The following SLC9A9 variants were observed in gnomAD, a reference collection of about 807,000 sequenced individuals.
The protein encoded by SLC9A9 is solute carrier family 9 member A9.
A neutral mutation model predicts 77.8 loss-of-function variants in SLC9A9; 62 were observed. The ratio of observed to expected loss-of-function variants is 0.80; its 90% CI spans 0.65 to 0.98. The LOEUF is 0.98. SLC9A9 is among the 50% of genes least tolerant of loss of function. The pLI is 0.00. For missense variants in SLC9A9, 775 were observed against 774.9 expected (o/e 1.00, Z 0.00); for synonymous variants, 320 against 283.5 (o/e 1.13, Z -1.29).
At chr3:143,720,625 C>T (rs1475306357) in intron 4 of SLC9A9, among the ~76,000 whole-genome samples, 3 of 152,138 alleles carry the variant, frequency 2.0e-5, no homozygotes, top group Non-Finnish European at 4.4e-5. Flanking sequence ...CCTGACACAC[C>T]CTTTATAATT....
intron 4 of SLC9A9, among the ~76,000 whole-genome samples, chr3:143,733,283 T>A (rs552756841): frequency 6.6e-6 from 1 of 152,174 alleles, no homozygotes; most frequent in East Asian, 1.9e-4. Context: ...AAGCCAAGTT[T>A]TCAAGTCCTC....
At position 143,265,313 on chromosome 3, in the gene SLC9A9, A is replaced by G. The variant is rs949766276; in HGVS notation, c.*1389T>C. The G allele has an allele frequency of 2.6e-5, 4 of 152,290 alleles. No homozygotes were observed. The highest frequency in any genetic ancestry group is 9.6e-5 in the African/African-American group (4 of 41,464). 9.4% of individuals were successfully genotyped at this position (152,290 alleles called of 1,614,324 possible). A position where few individuals can be genotyped will look rare whatever the true frequency, so the allele number is the denominator to read the frequency against. On this transcript the variant is annotated 3_prime_UTR_variant, in exon 16 of 16. Coordinates refer to ENST00000316549, the MANE Select transcript of SLC9A9 (RefSeq NM_173653.4). ...TATTTACCTGAAATGACAAAGTTATACTTAGCTTGAGTGTAAAACTTGTGC... is the reference window on the plus strand; with the variant it reads ...TATTTACCTGAAATGACAAAGTTATGCTTAGCTTGAGTGTAAAACTTGTGC...
At chr3:143,628,869 A>G (rs2038373677) in intron 6 of SLC9A9, among the ~76,000 whole-genome samples, 1 of 152,188 alleles carries the variant, frequency 6.6e-6, no homozygotes, top group Admixed American at 6.6e-5. Flanking sequence ...AGTCAATACT[A>G]TTCTATTTTC....
intron 14 of SLC9A9, among the ~76,000 whole-genome samples, chr3:143,338,576 T>C (rs976022541): frequency 1.3e-5 from 2 of 152,218 alleles, no homozygotes; most frequent in Non-Finnish European, 2.9e-5. Context: ...AAAGGCATTC[T>C]TTAAAAATAA....
At chr3:143,824,215 A>G (rs1452736581) in intron 2 of SLC9A9, among the ~76,000 whole-genome samples, 3 of 152,222 alleles carry the variant, frequency 2.0e-5, no homozygotes, top group East Asian at 3.9e-4. Flanking sequence ...ACTTTAAAAA[A>G]TATTTTTTTC....
At chr3:143,655,767 G>A (rs868708661) in intron 5 of SLC9A9, 2 of 498,518 alleles carry the variant, frequency 4.0e-6, no homozygotes, top group Non-Finnish European at 5.2e-6. Flanking sequence ...ACTGAGAAAT[G>A]CCACTGAATC....
chr3:143,790,478 C>A (rs1427478930), intron 4 of SLC9A9, among the ~76,000 whole-genome samples: 1 of 152,150 alleles, frequency 6.6e-6, no homozygotes, highest in Non-Finnish European at 1.5e-5. Context: ...TTATTGAGGT[C>A]TTAGTCTGTC....
intron 6 of SLC9A9, among the ~76,000 whole-genome samples, chr3:143,580,770 C>G (rs780724146): frequency 2.0e-5 from 3 of 152,094 alleles, no homozygotes; most frequent in African/African-American, 7.2e-5. Flanking sequence ...AACTTTGTAC[C>G]CTTCCTGTGA....
intron 9 of SLC9A9, among the ~76,000 whole-genome samples, chr3:143,508,296 C>A (rs1338148954): frequency 6.6e-6 from 1 of 152,126 alleles, no homozygotes; most frequent in Non-Finnish European, 1.5e-5. Context: ...TCATGCCAAC[C>A]CAATCCCTTG....
chr3:143,371,214 T>C (rs976324294), intron 13 of SLC9A9, among the ~76,000 whole-genome samples: 4 of 152,322 alleles, frequency 2.6e-5, no homozygotes, highest in African/African-American at 9.6e-5. Context: ...TAAGATCACA[T>C]AGTGCTAAGA....
At chr3:143,818,031 A>G (rs1037592145) in intron 2 of SLC9A9, among the ~76,000 whole-genome samples, 1 of 152,210 alleles carries the variant, frequency 6.6e-6, no homozygotes. Flanking sequence ...TAAGCTACAC[A>G]GAAAAAAAAA....
intron 12 of SLC9A9, among the ~76,000 whole-genome samples, chr3:143,414,957 T>A (rs1339013397): frequency 2.0e-5 from 3 of 152,198 alleles, no homozygotes; most frequent in African/African-American, 7.2e-5. Context: ...ATGCTACTCC[T>A]GGGAACACAC....
chr3:143,530,462 C>T (rs533896037), intron 9 of SLC9A9, among the ~76,000 whole-genome samples: 30 of 152,150 alleles, frequency 2.0e-4, no homozygotes, highest in Non-Finnish European at 4.1e-4. Flanking sequence ...ATTGTGAGGC[C>T]TCCCTAGCCA....
chr3:143,613,323 T>C (rs978384820), intron 6 of SLC9A9, among the ~76,000 whole-genome samples: 1 of 152,218 alleles, frequency 6.6e-6, no homozygotes, highest in Non-Finnish European at 1.5e-5. Flanking sequence ...TTAGCAACTA[T>C]AGATGTTAGC....
At chr3:143,413,134 A>G (rs1366723335) in intron 12 of SLC9A9, among the ~76,000 whole-genome samples, 3 of 152,146 alleles carry the variant, frequency 2.0e-5, no homozygotes, top group Non-Finnish European at 2.9e-5. Context: ...AATAACAGGG[A>G]CCGTGGTTCT....
chr3:143,551,093 C>T (rs2036874545), intron 9 of SLC9A9, among the ~76,000 whole-genome samples: 1 of 152,112 alleles, frequency 6.6e-6, no homozygotes, highest in African/African-American at 2.4e-5. Flanking sequence ...TGGTGGTAGA[C>T]ATGCATGCAG....
At chr3:143,492,395 T>G (rs959930112) in intron 11 of SLC9A9, among the ~76,000 whole-genome samples, 16 of 152,124 alleles carry the variant, frequency 1.1e-4, no homozygotes, top group Non-Finnish European at 2.4e-4. Flanking sequence ...GGAAGTACTG[T>G]CAGAGGCCTT....
chr3:143,802,795 C>T (rs1007771278), intron 2 of SLC9A9, among the ~76,000 whole-genome samples: 1 of 152,144 alleles, frequency 6.6e-6, no homozygotes, highest in African/African-American at 2.4e-5. Context: ...AAGGACTGGA[C>T]AGTACTTTTA....
chr3:143,414,538 C>T (rs1162861067), intron 12 of SLC9A9, among the ~76,000 whole-genome samples: 1 of 152,180 alleles, frequency 6.6e-6, no homozygotes, highest in East Asian at 1.9e-4. Context: ...TCATCATTAT[C>T]ATATCTGTTA....
Sources: gnomAD v4.1 joint callset for allele counts (sites outside exome capture counted in the v4.1 genomes callset) on GRCh38, gnomAD v4.1.1 for gene constraint, MANE v1.5 for transcripts, NCBI Gene and HGNC (gene_info 2026-07-23, HGNC 2026-07-21) for gene names.